The following STPG1 variants were observed in gnomAD, a reference collection of about 807,000 sequenced individuals.
STPG1 encodes sperm tail PG-rich repeat containing 1, also known as O(6)-methylguanine-induced apoptosis 2.
A neutral mutation model predicts 40.1 loss-of-function variants in STPG1; 33 were observed. That is an observed-to-expected ratio of 0.82 (90% CI 0.62 to 1.10). The LOEUF (loss-of-function observed/expected upper bound fraction) is 1.10. Ranked by LOEUF, STPG1 falls within the 50% of genes least tolerant of loss-of-function variation. The pLI is 0.00. For missense variants in STPG1, 396 were observed against 415.1 expected, an observed-to-expected ratio of 0.95 and a Z score of 0.40; for synonymous variants, 150 against 155.0, an observed-to-expected ratio of 0.97 and a Z score of 0.24.
chr1:24,410,047 C>T (rs1255853709), intron 1 of STPG1, among the ~76,000 whole-genome samples: 1 of 152,176 alleles, frequency 6.6e-6, no homozygotes, highest in Admixed American at 6.5e-5. Flanking sequence ...AGTTTTGGTG[C>T]TTCACCTCAA....
Position 24,357,027 on chromosome 1 carries a change from C to T in STPG1, c.*1516G>A, listed in dbSNP as rs1640751090. The T allele has an allele frequency of 6.9e-6, 1 of 144,506 alleles. No individual in the cohort carries two copies. The highest frequency in any genetic ancestry group is 1.5e-5 in the Non-Finnish European group (1 of 66,466). 9.0% of individuals were successfully genotyped at this position (144,506 alleles called of 1,614,324 possible). A position where few individuals can be genotyped will look rare whatever the true frequency, so the allele number is the denominator to read the frequency against. On this transcript the variant is annotated 3_prime_UTR_variant, in exon 9 of 9. Coordinates refer to ENST00000337248, the MANE Select transcript of STPG1 (RefSeq NM_001199013.2). ...ATAAGCAAGATAAATAAGTTTAATG[C>T]AATATTTTTAAAATTAAGGCCCCCC...
intron 1 of STPG1, among the ~76,000 whole-genome samples, chr1:24,404,664 A>T (rs760223292): frequency 2.6e-5 from 4 of 152,048 alleles, no homozygotes; most frequent in Admixed American, 1.3e-4. Flanking sequence ...ATTTTAAGAA[A>T]TTTTTTTCAT....
At chr1:24,361,153 G>A in intron 7 of STPG1, 112 bp from the exon 8 acceptor site, 1 of 1,028,068 alleles carries the variant, frequency 9.7e-7, no homozygotes. Flanking sequence ...AAGAGGACTG[G>A]TCACGGCACT....
chr1:24,391,421 G>C (rs752848858), intron 3 of STPG1, 140 bp downstream of exon 3: 1 of 549,988 alleles, frequency 1.8e-6, no homozygotes, highest in Non-Finnish European at 3.2e-6. Flanking sequence ...GTGCCCCTCA[G>C]TGGAGCTGGT....
chr1:24,362,063 G>T (rs1326445804), intron 7 of STPG1, among the ~76,000 whole-genome samples: 1 of 152,134 alleles, frequency 6.6e-6, no homozygotes, highest in Non-Finnish European at 1.5e-5. Flanking sequence ...GGGAGAGGAG[G>T]TTCTCCGCAC....
At chr1:24,385,431 C>T (rs760125275) in intron 3 of STPG1, among the ~76,000 whole-genome samples, 1 of 152,040 alleles carries the variant, frequency 6.6e-6, no homozygotes, top group Non-Finnish European at 1.5e-5. Context: ...CACCCCAGGC[C>T]GAGAGCCCAG....
At chr1:24,389,434 G>T (rs1462025792) in intron 3 of STPG1, among the ~76,000 whole-genome samples, 1 of 152,136 alleles carries the variant, frequency 6.6e-6, no homozygotes, top group Non-Finnish European at 1.5e-5. Context: ...AGAGGCTTTG[G>T]AGTGAACTAG....
At chr1:24,378,934 C>A (rs1642156414) in intron 5 of STPG1, among the ~76,000 whole-genome samples, 1 of 152,168 alleles carries the variant, frequency 6.6e-6, no homozygotes, top group African/African-American at 2.4e-5. Context: ...CCTTCATGTA[C>A]TAACAAAGAC....
Position 24,398,222 on chromosome 1 carries a change from T to C in STPG1, c.70+3097A>G, listed in dbSNP as rs555688386. Among the ~76,000 whole-genome samples, 5 of 152,240 alleles carry C rather than the reference T, an allele frequency of 3.3e-5. No homozygotes were observed. The South Asian group carries it at 1.0e-3, about 32-fold the overall frequency. ...TCATATGCTATTTTCCCTCTGTATA[T>C]CTTTTTTTTGGTGAAGTAACTGTTT... On this transcript the variant is annotated intron_variant, in intron 2 of 8. Transcript: ENST00000337248.
At chr1:24,395,590 G>A (rs1314052413) in intron 2 of STPG1, among the ~76,000 whole-genome samples, 8 of 151,508 alleles carry the variant, frequency 5.3e-5, no homozygotes, top group African/African-American at 9.7e-5. Context: ...CCGCCACCGC[G>A]CCCGGCTAAT....
intron 5 of STPG1, among the ~76,000 whole-genome samples, chr1:24,376,200 T>C (rs750114585): frequency 2.0e-5 from 3 of 152,136 alleles, no homozygotes; most frequent in Non-Finnish European, 4.4e-5. Context: ...TTTGTATTTT[T>C]AGTAGAGGCG....
rs567281269 is a variant in STPG1 at position 24,359,625 on chromosome 1, C to A, written c.929-1006G>T. Among the ~76,000 whole-genome samples, 29 of 152,268 alleles carry A rather than the reference C, an allele frequency of 1.9e-4. No individual in the cohort carries two copies. Among genetic ancestry groups the A allele is most frequent in the African/African-American group, 5.8e-4 (24 of 41,576 alleles). ...CCCACCTGACTGTGGCCTCTGGGGG[C>A]AAACCTGGGGCCCAGGTCATCTTGG... is the stretch of plus-strand genomic sequence containing the variant. On this transcript the variant is annotated intron_variant, in intron 8 of 8. Coordinates refer to ENST00000337248, the MANE Select transcript of STPG1 (RefSeq NM_001199013.2). This position sits in a 1 kb window ranked among gnomAD's most constrained non-coding sequence, Gnocchi z 5.3.
chr1:24,412,711 G>T lies in STPG1; in HGVS notation c.-69+963C>A, dbSNP rs573307642. The stretch of plus-strand genomic sequence containing the variant: ...TGTCTCTACAAAAATAATAATAATA[G>T]TATTGAGAATTTTTAAAATTAGTAT... On this transcript the variant is annotated intron_variant, in intron 1 of 8. Transcript: ENST00000337248. Among the ~76,000 whole-genome samples the T allele has an allele frequency of 6.8e-4, 103 of 152,258 alleles. 1 individual carries two copies. The Middle Eastern group carries it at 0.01, about 15-fold the overall frequency.
intron 3 of STPG1, 126 bp from the exon 4 acceptor site, chr1:24,384,129 T>C (rs1642404073): frequency 1.1e-5 from 7 of 619,660 alleles, no homozygotes; most frequent in Non-Finnish European, 2.1e-5. Context: ...CACCACTTGG[T>C]GGGTGACAGC....
At position 24,364,105 on chromosome 1, in the gene STPG1, C is replaced by T. The variant is rs1192056587; in HGVS notation, c.738-3064G>A. 2.1e-6 allele frequency: 3 copies of T among 1,450,364 alleles called. No individual in the cohort carries two copies. In the Admixed American group the frequency reaches 8.1e-5, roughly 39 times the overall value. 89.8% of individuals were successfully genotyped at this position (1,450,364 alleles called of 1,614,324 possible). Reference sequence around the variant, plus strand: ...CAGTTCAGCAACTCCATGCCTTTGTCCCTGCTGTTCCTTCTGTGAGAAACA... The same window carrying T: ...CAGTTCAGCAACTCCATGCCTTTGTTCCTGCTGTTCCTTCTGTGAGAAACA... On this transcript the variant is annotated intron_variant, in intron 7 of 8. Transcript: ENST00000337248.
intron 3 of STPG1, among the ~76,000 whole-genome samples, chr1:24,387,941 A>C (rs996730627): frequency 1.3e-5 from 2 of 152,214 alleles, no homozygotes; most frequent in Non-Finnish European, 2.9e-5. Flanking sequence ...CAAGTTAATA[A>C]GTGAACAATA....
At chr1:24,367,612 C>T (rs1569991452) in intron 7 of STPG1, among the ~76,000 whole-genome samples, 2 of 152,062 alleles carry the variant, frequency 1.3e-5, no homozygotes, top group Admixed American at 6.6e-5. Context: ...TCCACCTCCC[C>T]GGTTCAAGCA....
rs141962617 is a variant in STPG1, at chr1:24,407,346, C to G, written c.-68-5890G>C. 8.3e-3 allele frequency among the ~76,000 whole-genome samples: 1,270 copies of G among 152,146 alleles called. 13 individuals are homozygous for G. The highest frequency in any genetic ancestry group is 0.024 in the South Asian group (114 of 4,826). Reference sequence around the variant, plus strand: ...GTTATATTAGATCATTTCATATTTTCCCAAAGGTTATTGATATTCTGTTCA... The same window carrying G: ...GTTATATTAGATCATTTCATATTTTGCCAAAGGTTATTGATATTCTGTTCA... On this transcript the variant is annotated intron_variant, in intron 1 of 8. Transcript: ENST00000337248.
rs188034555 is a variant in STPG1 at position 24,393,377 on chromosome 1, T to C, written c.71-1698A>G. On this transcript the variant is annotated intron_variant, in intron 2 of 8. Coordinates refer to ENST00000337248, the MANE Select transcript of STPG1 (RefSeq NM_001199013.2). ...CCCCATTTAAGTAGATGAATGGCTA[T>C]GTTTTTGGTTTGTTTGCTTTAAGAG... 3.9e-5 allele frequency among the ~76,000 whole-genome samples: 6 copies of C among 152,350 alleles called. No individual in the cohort carries two copies. The East Asian group carries it at 1.2e-3, about 29-fold the overall frequency.
Sources: allele counts gnomAD v4.1 joint callset (sites outside exome capture counted in the v4.1 genomes callset), GRCh38; gene constraint gnomAD v4.1.1; non-coding constraint Gnocchi (gnomAD v3.1); transcripts MANE v1.5; gene names NCBI Gene and HGNC (gene_info 2026-07-23, HGNC 2026-07-21).